The following DCC variants were observed in gnomAD, a reference collection of about 807,000 sequenced individuals.
DCC encodes DCC netrin 1 receptor.
DCC carries 58 observed loss-of-function variants against 172.5 expected under a neutral mutation model. That is an observed-to-expected ratio of 0.34 (90% CI 0.27 to 0.42). The LOEUF (loss-of-function observed/expected upper bound fraction) is 0.42. DCC is among the 10% of genes least tolerant of loss of function. The probability of loss-of-function intolerance (pLI) is 1.00; values close to 1 mark genes in which losing one functional copy is unlikely to be tolerated. For synonymous variants in DCC, 709 were observed against 644.5 expected (o/e 1.10, Z -1.52); for missense variants, 1,740 against 1,791.0 (o/e 0.97, Z 0.51).
rs186320442 is a variant in DCC at position 52,524,096 on chromosome 18, T to C, written c.91+183218T>C. On this transcript the variant is annotated intron_variant, in intron 1 of 28. Transcript: ENST00000442544. Reference sequence around the variant, plus strand: ...ATCTAAATAATTATAGGCAAGCCTATTTAGGTCACAATACTTAAAGATAAA... The same window carrying C: ...ATCTAAATAATTATAGGCAAGCCTACTTAGGTCACAATACTTAAAGATAAA... 2.0e-5 allele frequency among the ~76,000 whole-genome samples: 3 copies of C among 152,336 alleles called. No individual in the cohort carries two copies. In the East Asian group the frequency reaches 5.8e-4, roughly 29 times the overall value.
At chr18:52,590,115 T>A (rs1299118020) in intron 1 of DCC, among the ~76,000 whole-genome samples, 1 of 152,086 alleles carries the variant, frequency 6.6e-6, no homozygotes, top group African/African-American at 2.4e-5. Context: ...AGGTTCTGTT[T>A]ATTTTTGTAC....
chr18:52,344,707 C>T (rs1215105906), intron 1 of DCC, among the ~76,000 whole-genome samples: 3 of 152,116 alleles, frequency 2.0e-5, no homozygotes, highest in Non-Finnish European at 4.4e-5. Context: ...GAGACTGTGC[C>T]CTAAGATTAC....
At chr18:53,201,708 C>T (rs148237848) in intron 9 of DCC, among the ~76,000 whole-genome samples, 8 of 152,110 alleles carry the variant, frequency 5.3e-5, no homozygotes, top group African/African-American at 1.9e-4. Context: ...TGTTATAACA[C>T]AATACTAATG....
At chr18:52,501,954 G>A (rs1048768383) in intron 1 of DCC, among the ~76,000 whole-genome samples, 4 of 152,042 alleles carry the variant, frequency 2.6e-5, no homozygotes, top group African/African-American at 4.8e-5. Flanking sequence ...GTCTCTCCAG[G>A]GCCCACAGTT....
chr18:53,407,556 T>TATATATATATATATATATAA (rs1192623109), intron 19 of DCC, among the ~76,000 whole-genome samples: 1 of 140,390 alleles, frequency 7.1e-6, no homozygotes, highest in East Asian at 2.1e-4. Flanking sequence ...TATATATATA[T>TATATATATATATATATATAA]TCACTATTAC....
chr18:52,686,959 T>C (rs34684555), intron 1 of DCC, among the ~76,000 whole-genome samples: 62,298 of 151,862 alleles, frequency 0.41, 13,109 homozygotes, highest in Non-Finnish European at 0.47. Flanking sequence ...GATCATCTTT[T>C]CCCACTCCCA....
chr18:53,188,655 C>T (rs569069143), intron 9 of DCC, among the ~76,000 whole-genome samples: 2 of 152,264 alleles, frequency 1.3e-5, no homozygotes, highest in South Asian at 2.1e-4. Context: ...TAACAAAGTG[C>T]CACAAACTTG....
intron 7 of DCC, among the ~76,000 whole-genome samples, chr18:53,153,099 G>T (rs2054669253): frequency 6.6e-6 from 1 of 152,184 alleles, no homozygotes; most frequent in Admixed American, 6.5e-5. Context: ...TCATGTAGGA[G>T]TGAGATGCTC....
intron 1 of DCC, among the ~76,000 whole-genome samples, chr18:52,638,470 C>T (rs866624533): frequency 2.0e-5 from 3 of 152,186 alleles, no homozygotes; most frequent in Non-Finnish European, 2.9e-5. Flanking sequence ...TAAGGACTCA[C>T]ATAAACTTAA....
chr18:53,366,843 G>A (rs2058010720), intron 15 of DCC, among the ~76,000 whole-genome samples: 1 of 152,204 alleles, frequency 6.6e-6, no homozygotes, highest in Non-Finnish European at 1.5e-5. Context: ...ACAGAATGCA[G>A]TAGAACGTGT....
intron 13 of DCC, among the ~76,000 whole-genome samples, chr18:53,314,319 G>A (rs2057319430): frequency 6.6e-6 from 1 of 152,264 alleles, no homozygotes; most frequent in Admixed American, 6.5e-5. Context: ...CTTGATAAAG[G>A]TTTGATAAAA....
chr18:52,791,779 C>T (rs151311282), intron 2 of DCC, among the ~76,000 whole-genome samples: 5 of 152,156 alleles, frequency 3.3e-5, no homozygotes, highest in East Asian at 1.9e-4. Flanking sequence ...TAGTATGGTT[C>T]GTGTTAAAGC....
At chr18:53,460,295 T>G (rs1294201073) in intron 24 of DCC, among the ~76,000 whole-genome samples, 3 of 144,970 alleles carry the variant, frequency 2.1e-5, no homozygotes, top group South Asian at 2.2e-4. Flanking sequence ...TTTTTTTTTT[T>G]TTTTTTTTAA....
intron 7 of DCC, among the ~76,000 whole-genome samples, chr18:53,153,962 C>G: frequency 6.6e-6 from 1 of 152,198 alleles, no homozygotes; most frequent in East Asian, 1.9e-4. Flanking sequence ...GCGATCTGAG[C>G]TGTTCGAATA....
intron 1 of DCC, among the ~76,000 whole-genome samples, chr18:52,352,773 AAGTCTCTGATGGTGATTCCAACATGC>A: frequency 6.6e-6 from 1 of 152,240 alleles, no homozygotes; most frequent in Admixed American, 6.5e-5. Context: ...AAGTATTCTA[AAGTCTCTGATGGTGATTCCAACATGC>A]AGTCATGTTT....
At chr18:53,527,182 A>G in intron 28 of DCC, among the ~76,000 whole-genome samples, 1 of 147,410 alleles carries the variant, frequency 6.8e-6, no homozygotes, top group East Asian at 2.0e-4. Context: ...GGAAATAAAT[A>G]AGACTATATA....
chr18:52,576,430 G>A (rs1339657869), intron 1 of DCC, among the ~76,000 whole-genome samples: 2 of 152,120 alleles, frequency 1.3e-5, no homozygotes, highest in South Asian at 2.1e-4. Context: ...AGGGCACCTC[G>A]GCGGTCCATT....
At chr18:52,788,075 A>G (rs1169873269) in intron 2 of DCC, among the ~76,000 whole-genome samples, 1 of 152,190 alleles carries the variant, frequency 6.6e-6, no homozygotes, top group Non-Finnish European at 1.5e-5. Flanking sequence ...TAAAAAGACC[A>G]TATAATACCC....
intron 1 of DCC, among the ~76,000 whole-genome samples, chr18:52,623,026 C>G (rs952558897): frequency 3.3e-5 from 5 of 152,152 alleles, no homozygotes; most frequent in Non-Finnish European, 7.3e-5. Flanking sequence ...CTTTTCTTAT[C>G]CTCTAACCAG....
Sources: gnomAD v4.1 joint callset for allele counts (sites outside exome capture counted in the v4.1 genomes callset) on GRCh38, gnomAD v4.1.1 for gene constraint, MANE v1.5 for transcripts, NCBI Gene and HGNC (gene_info 2026-07-23, HGNC 2026-07-21) for gene names.